HLF: variants seen among roughly 807,000 people sequenced by gnomAD.
The protein encoded by HLF is HLF transcription factor, PAR bZIP family member.
A neutral mutation model predicts 22.6 loss-of-function variants in HLF; 3 were observed. The observed-to-expected ratio is 0.13, with a 90% CI of 0.06 to 0.34. HLF has a LOEUF of 0.34. HLF is among the 10% of genes least tolerant of loss of function. The pLI, the probability that HLF is intolerant of heterozygous loss-of-function variation, is 1.00. For synonymous variants in HLF, 151 were observed against 151.8 expected (o/e 0.99, Z 0.04); for missense variants, 299 against 389.2 (o/e 0.77, Z 1.95).
At chr17:55,276,276 A>G (rs1408054002) in intron 2 of HLF, among the ~76,000 whole-genome samples, 2 of 152,222 alleles carry the variant, frequency 1.3e-5, no homozygotes, top group East Asian at 3.9e-4. Flanking sequence ...TTCAAGAGAC[A>G]GTGATTTAGT....
At chr17:55,314,158 TAA>T (rs1283811345) in intron 2 of HLF, among the ~76,000 whole-genome samples, 1 of 152,136 alleles carries the variant, frequency 6.6e-6, no homozygotes, top group Non-Finnish European at 1.5e-5. Flanking sequence ...GCTCCCAGTA[TAA>T]ACATTTGGGT....
chr17:55,304,446 A>G (rs1904450093), intron 2 of HLF, among the ~76,000 whole-genome samples: 1 of 152,206 alleles, frequency 6.6e-6, no homozygotes, highest in African/African-American at 2.4e-5. Context: ...GGCTGTGGTT[A>G]TGAGTTCCGC....
At chr17:55,309,344 G>T (rs1904723498) in intron 2 of HLF, among the ~76,000 whole-genome samples, 2 of 152,158 alleles carry the variant, frequency 1.3e-5, no homozygotes, top group Non-Finnish European at 2.9e-5. Context: ...ACTCTTCGTT[G>T]ACCTTATAGT....
intron 2 of HLF, chr17:55,288,768 A>T: frequency 3.8e-6 from 1 of 263,552 alleles, no homozygotes; most frequent in Non-Finnish European, 5.9e-6. Flanking sequence ...AAAAAAAAAA[A>T]GTTAAATTAA....
chr17:55,279,609 T>C (rs2080935583), intron 2 of HLF, among the ~76,000 whole-genome samples: 1 of 151,970 alleles, frequency 6.6e-6, no homozygotes, highest in Non-Finnish European at 1.5e-5. Context: ...AGAAAAAATA[T>C]TACCAAACAG....
In HLF at chr17:55,321,397, G is replaced by A. The variant is rs765134373; in HGVS notation, c.*518G>A. ...GCACACAATAACTTAGCACTACTCC[G>A]CAGCTCTAGTCCTTTATAAGTTGCT... On this transcript the variant is annotated 3_prime_UTR_variant, in exon 4 of 4. Coordinates refer to ENST00000226067, the MANE Select transcript of HLF (RefSeq NM_002126.5). The A allele has an allele frequency of 1.3e-4, 30 of 233,582 alleles. No individual in the cohort carries two copies. Among genetic ancestry groups the A allele is most frequent in the Non-Finnish European group, 2.1e-4 (25 of 118,142 alleles). 14.5% of individuals were successfully genotyped at this position (233,582 alleles called of 1,614,324 possible).
chr17:55,290,809 C>G (rs1256289554), intron 2 of HLF, among the ~76,000 whole-genome samples: 1 of 152,186 alleles, frequency 6.6e-6, no homozygotes, highest in Non-Finnish European at 1.5e-5. Context: ...TTGAGCCAAA[C>G]AGTTAGCTGC....
At chr17:55,293,751 C>T (rs146426951) in intron 2 of HLF, among the ~76,000 whole-genome samples, 158 of 152,220 alleles carry the variant, frequency 1.0e-3, no homozygotes, top group African/African-American at 3.6e-3. Flanking sequence ...ATTCATGGAG[C>T]CCCAACTCAA....
At chr17:55,315,469 G>A in intron 3 of HLF, 22 bp downstream of exon 3, 1 of 1,570,688 alleles carries the variant, frequency 6.4e-7, no homozygotes, top group Non-Finnish European at 8.8e-7. Context: ...CTGGTAATCA[G>A]TCTTTGGGCA....
At chr17:55,308,280 T>G (rs888533521) in intron 2 of HLF, among the ~76,000 whole-genome samples, 1 of 152,256 alleles carries the variant, frequency 6.6e-6, no homozygotes, top group Non-Finnish European at 1.5e-5. Context: ...GGGAATAGTC[T>G]GTTTATTTGA....
intron 2 of HLF, among the ~76,000 whole-genome samples, chr17:55,296,591 T>C (rs1306348584): frequency 6.6e-6 from 1 of 152,238 alleles, no homozygotes; most frequent in African/African-American, 2.4e-5. Flanking sequence ...TTAATACATA[T>C]AGATCTGCCG....
chr17:55,277,117 T>G (rs552835429), intron 2 of HLF, among the ~76,000 whole-genome samples: 41 of 152,202 alleles, frequency 2.7e-4, no homozygotes, highest in Non-Finnish European at 5.3e-4. Flanking sequence ...AGGCCTGGTC[T>G]CATAGGAGTA....
At chr17:55,319,968 A>C (rs1905208198) in intron 3 of HLF, among the ~76,000 whole-genome samples, 1 of 152,230 alleles carries the variant, frequency 6.6e-6, no homozygotes, top group Non-Finnish European at 1.5e-5. Flanking sequence ...GTTTCCACCC[A>C]CATAGTGGCA....
In HLF at chr17:55,321,110, G is replaced by C. The variant is rs1156415438; in HGVS notation, c.*231G>C. The C allele has an allele frequency of 2.1e-6, 1 of 485,964 alleles. No individual in the cohort carries two copies. The highest frequency in any genetic ancestry group is 3.4e-5 in the Admixed American group (1 of 29,144). 30.1% of individuals were successfully genotyped at this position (485,964 alleles called of 1,614,324 possible). Reference sequence around the variant, plus strand: ...GTTCCTTTGCTCTTGCCATTTTAAGGTAGCCCTCTCATCGTCTTTTAGTTC... The same window carrying C: ...GTTCCTTTGCTCTTGCCATTTTAAGCTAGCCCTCTCATCGTCTTTTAGTTC... On this transcript the variant is annotated 3_prime_UTR_variant, in exon 4 of 4. Transcript: ENST00000226067.
intron 2 of HLF, among the ~76,000 whole-genome samples, chr17:55,296,837 AT>A (rs938535449): frequency 2.9e-3 from 423 of 144,878 alleles, no homozygotes; most frequent in Middle Eastern, 3.6e-3. Flanking sequence ...ATTCAAAAAA[AT>A]TTTTTTTTTT....
In HLF at chr17:55,324,482, T is replaced by C. The variant is rs1285870100; in HGVS notation, c.*3603T>C. On this transcript the variant is annotated 3_prime_UTR_variant, in exon 4 of 4. Coordinates refer to ENST00000226067, the MANE Select transcript of HLF (RefSeq NM_002126.5). The stretch of plus-strand genomic sequence containing the variant: ...ACCCTATTCTTCCTTTAAGGAAAAC[T>C]CAATCTTTATCACAGTCAATTAGAG... 1 of 231,810 alleles carries C rather than the reference T, an allele frequency of 4.3e-6. No individual in the cohort carries two copies. The highest frequency in any genetic ancestry group is 6.1e-5 in the East Asian group (1 of 16,432). The allele number at this position is 231,810 out of a possible 1,614,324, so 14.4% of individuals were successfully genotyped here. A position where few individuals can be genotyped will look rare whatever the true frequency, so the allele number is the denominator to read the frequency against.
intron 2 of HLF, among the ~76,000 whole-genome samples, chr17:55,305,310 T>G (rs1451579208): frequency 1.3e-5 from 2 of 152,220 alleles, no homozygotes; most frequent in African/African-American, 4.8e-5. Context: ...AGCTCGCCAT[T>G]CAGGAGGATG....
chr17:55,311,654 G>C (rs1598408082), intron 2 of HLF, among the ~76,000 whole-genome samples: 1 of 152,228 alleles, frequency 6.6e-6, no homozygotes, highest in African/African-American at 2.4e-5. Flanking sequence ...CAGTTTGGCA[G>C]TAGGTTTTTA....
At chr17:55,278,901 A>G (rs1417757592) in intron 2 of HLF, among the ~76,000 whole-genome samples, 2 of 152,276 alleles carry the variant, frequency 1.3e-5, no homozygotes, top group African/African-American at 4.8e-5. Context: ...AAGGCCATTG[A>G]AAGATTTATA....
Sources: allele counts gnomAD v4.1 joint callset (sites outside exome capture counted in the v4.1 genomes callset), GRCh38; gene constraint gnomAD v4.1.1; transcripts MANE v1.5; gene names NCBI Gene and HGNC (gene_info 2026-07-23, HGNC 2026-07-21).